The following SPCS3 variants were observed in gnomAD, a reference collection of about 807,000 sequenced individuals.
SPCS3 encodes the protein signal peptidase complex subunit 3, also known as SPase 22 kDa subunit.
SPCS3 carries 9 observed loss-of-function variants against 17.2 expected under a neutral mutation model. The ratio of observed to expected loss-of-function variants is 0.52; its 90% confidence interval spans 0.31 to 0.91. The LOEUF is 0.91. Ranked by LOEUF, SPCS3 falls within the 40% of genes least tolerant of loss-of-function variation. SPCS3 has a pLI of 0.04. For synonymous variants in SPCS3, 87 were observed against 89.6 expected (o/e 0.97, Z 0.16); for missense variants, 139 against 217.5 (o/e 0.64, Z 2.27).
rs1731652560 is a variant in SPCS3 at position 176,329,359 on chromosome 4, A to T, written c.*1029A>T. On this transcript the variant is annotated 3_prime_UTR_variant, in exon 5 of 5. Coordinates refer to ENST00000503362, the MANE Select transcript of SPCS3 (RefSeq NM_021928.4). The stretch of plus-strand genomic sequence containing the variant: ...ATTGCTTCATTGTTACCTAGCCAGC[A>T]AGGAGTGGAATTAAAACTTGAACTC... The T allele has an allele frequency of 6.6e-6, 1 of 152,140 alleles. No homozygotes were observed. Among genetic ancestry groups the T allele is most frequent in the Non-Finnish European group, 1.5e-5 (1 of 67,986 alleles). 9.4% of individuals were successfully genotyped at this position (152,140 alleles called of 1,614,324 possible). A position where few individuals can be genotyped will look rare whatever the true frequency, so the allele number is the denominator to read the frequency against.
intron 1 of SPCS3, 85 bp downstream of exon 1, chr4:176,320,304 G>A (rs943362964): frequency 1.5e-5 from 18 of 1,203,836 alleles, no homozygotes; most frequent in African/African-American, 3.2e-5. Flanking sequence ...CGGGGCTGCC[G>A]TGCCGGGGCC....
In SPCS3 at chr4:176,328,406, A is replaced by C; in HGVS notation, c.*76A>C. On this transcript the variant is annotated 3_prime_UTR_variant, in exon 5 of 5. Coordinates refer to ENST00000503362, the MANE Select transcript of SPCS3 (RefSeq NM_021928.4). ...CATTAATCTCTTCCCTTACATCTTC[A>C]TGTATTGTTGGTTTGTTTTTTGGTT... 3 of 1,116,096 alleles carry C rather than the reference A, an allele frequency of 2.7e-6. No individual in the cohort carries two copies. Among genetic ancestry groups the C allele is most frequent in the Non-Finnish European group, 2.3e-6 (2 of 861,830 alleles). The allele number at this position is 1,116,096 out of a possible 1,614,324, so 69.1% of individuals were successfully genotyped here.
intron 3 of SPCS3, 115 bp downstream of exon 3, chr4:176,324,372 C>A: frequency 2.0e-6 from 1 of 492,452 alleles, no homozygotes; most frequent in Non-Finnish European, 3.1e-6. Flanking sequence ...AGCAAAACAT[C>A]ACAAGCCAGT....
At chr4:176,326,025 C>T (rs1731601769) in intron 3 of SPCS3, among the ~76,000 whole-genome samples, 1 of 152,134 alleles carries the variant, frequency 6.6e-6, no homozygotes, top group Non-Finnish European at 1.5e-5. Context: ...TCAGGCCGGG[C>T]ACAGTGGCTC....
chr4:176,330,630 G>C lies in SPCS3; in HGVS notation c.*2300G>C, dbSNP rs961723370. ...CTTCAGTCTCAGGAACTCATTTTTG[G>C]GTGCAGTTTCTACATTTAAAAAATT... On this transcript the variant is annotated 3_prime_UTR_variant, in exon 5 of 5. Transcript: ENST00000503362. The C allele has an allele frequency of 1.3e-5, 2 of 152,050 alleles. No homozygotes were observed. Among genetic ancestry groups the C allele is most frequent in the African/African-American group, 2.4e-5 (1 of 41,384 alleles). 9.4% of individuals were successfully genotyped at this position (152,050 alleles called of 1,614,324 possible).
rs1037774083 is a variant in SPCS3 at position 176,322,297 on chromosome 4, T to C, written c.217+54T>C. Reference sequence around the variant, plus strand: ...TTTTCTGTAGTTTTATAATGAGATATGTGTTGTTTAATGATTTGGGATACA... The same window carrying C: ...TTTTCTGTAGTTTTATAATGAGATACGTGTTGTTTAATGATTTGGGATACA... On this transcript the variant is annotated intron_variant, in intron 2 of 4. Coordinates refer to ENST00000503362, the MANE Select transcript of SPCS3 (RefSeq NM_021928.4). 1.2e-5 allele frequency: 15 copies of C among 1,223,356 alleles called. No individual in the cohort carries two copies. The South Asian group carries it at 1.6e-4, about 13-fold the overall frequency. 75.8% of individuals were successfully genotyped at this position (1,223,356 alleles called of 1,614,324 possible).
At chr4:176,321,730 C>G (rs1191228165) in intron 1 of SPCS3, 1 of 152,794 alleles carries the variant, frequency 6.5e-6, no homozygotes, top group Non-Finnish European at 1.5e-5. Flanking sequence ...CTGGACTCAC[C>G]TATTTTCACA....
chr4:176,320,650 T>G (rs1033460548), intron 1 of SPCS3: 2 of 152,926 alleles, frequency 1.3e-5, no homozygotes, highest in African/African-American at 4.8e-5. Context: ...GCCGCCGCGC[T>G]CTGGGTCGGG....
chr4:176,327,026 A>T, intron 3 of SPCS3, 136 bp from the exon 4 acceptor site: 2 of 537,574 alleles, frequency 3.7e-6, no homozygotes, highest in Non-Finnish European at 6.6e-6. Flanking sequence ...TATCATTTGT[A>T]TGCATTAAGA....
rs1731675698 is a variant in SPCS3, at chr4:176,330,773, G to C, written c.*2443G>C. 1 of 152,162 alleles carries C rather than the reference G, an allele frequency of 6.6e-6. No individual in the cohort carries two copies. Among genetic ancestry groups the C allele is most frequent in the Non-Finnish European group, 1.5e-5 (1 of 68,032 alleles). 9.4% of individuals were successfully genotyped at this position (152,162 alleles called of 1,614,324 possible). The stretch of plus-strand genomic sequence containing the variant: ...GCTTATACAAAACTGAGTATGATTA[G>C]AAATACCTGAGCCCAGAAATGATTC... On this transcript the variant is annotated 3_prime_UTR_variant, in exon 5 of 5. Transcript: ENST00000503362.
At chr4:176,323,128 A>G (rs1489957333) in intron 2 of SPCS3, among the ~76,000 whole-genome samples, 1 of 152,158 alleles carries the variant, frequency 6.6e-6, no homozygotes, top group African/African-American at 2.4e-5. Flanking sequence ...GAAATAGGCT[A>G]AGAATTAGTT....
At position 176,328,330 on chromosome 4, in the gene SPCS3, A is replaced by G; in HGVS notation, c.543A>G (p.Ter181=). ...PDTYEITKSY[*] is the part of the protein sequence containing the mutation. ...CATATGAAATAACGAAGAGTTATTA[A>G]ATTATTCTGAATTTGAAACAACATA... Residue 181 remains the stop codon, a stop_retained_variant, in exon 5 of 5, where the codon TAA becomes TAG. Transcript: ENST00000503362. The G allele has an allele frequency of 6.3e-7, 1 of 1,576,666 alleles. No individual in the cohort carries two copies. The highest frequency in any genetic ancestry group is 2.3e-5 in the East Asian group (1 of 43,794).
intron 1 of SPCS3, chr4:176,320,717 C>G (rs1489169283): frequency 1.3e-5 from 2 of 152,580 alleles, no homozygotes; most frequent in Non-Finnish European, 2.9e-5. Flanking sequence ...GTCTTTGTGT[C>G]ATTCATCACC....
chr4:176,320,694 A>C (rs1579356268), intron 1 of SPCS3: 1 of 152,856 alleles, frequency 6.5e-6, no homozygotes, highest in Non-Finnish European at 1.5e-5. Context: ...TCTGGAGGCC[A>C]CAGGACGGGG....
At position 176,322,263 on chromosome 4, in the gene SPCS3, T is replaced by G; in HGVS notation, c.217+20T>G. The G allele has an allele frequency of 2.0e-6, 3 of 1,506,622 alleles. No homozygotes were observed. The highest frequency in any genetic ancestry group is 2.8e-6 in the Non-Finnish European group (3 of 1,084,752). 93.3% of individuals were successfully genotyped at this position (1,506,622 alleles called of 1,614,324 possible). A position where few individuals can be genotyped will look rare whatever the true frequency, so the allele number is the denominator to read the frequency against. Reference sequence around the variant, plus strand: ...CTGCTGATATCCTTTAAGAAAATATTTCGTTGCGTTTTCTGTAGTTTTATA... The same window carrying G: ...CTGCTGATATCCTTTAAGAAAATATGTCGTTGCGTTTTCTGTAGTTTTATA... On this transcript the variant is annotated intron_variant, in intron 2 of 4. Transcript: ENST00000503362.
intron 1 of SPCS3, chr4:176,321,179 T>G (rs374199655): frequency 6.6e-6 from 1 of 150,384 alleles, no homozygotes; most frequent in African/African-American, 2.5e-5. Flanking sequence ...TTTTTTTTTT[T>G]AAATTACTGT....
chr4:176,328,435 GGTT>G lies in SPCS3; in HGVS notation c.*106_*108del. 3 of 818,754 alleles carry G rather than the reference GGTT, an allele frequency of 3.7e-6. No individual in the cohort carries two copies. The highest frequency in any genetic ancestry group is 3.6e-5 in the South Asian group (1 of 28,082). 50.7% of individuals were successfully genotyped at this position (818,754 alleles called of 1,614,324 possible). Reference sequence around the variant, plus strand: ...ATTGTTGGTTTGTTTTTTGGTTTTGGGTTTTTTTTTTTTTTTTTTTGGTATAAG... The same window carrying G: ...ATTGTTGGTTTGTTTTTTGGTTTTGGTTTTTTTTTTTTTTTTTGGTATAAG... On this transcript the variant is annotated 3_prime_UTR_variant, in exon 5 of 5. Coordinates refer to ENST00000503362, the MANE Select transcript of SPCS3 (RefSeq NM_021928.4).
At chr4:176,323,611 G>A (rs1027608163) in intron 2 of SPCS3, among the ~76,000 whole-genome samples, 4 of 152,106 alleles carry the variant, frequency 2.6e-5, no homozygotes, top group African/African-American at 9.7e-5. Context: ...TGTTAATTCT[G>A]GTGAAGTTCT....
Position 176,328,334 on chromosome 4 carries a change from A to T in SPCS3, c.*4A>T. On this transcript the variant is annotated 3_prime_UTR_variant, in exon 5 of 5. Transcript: ENST00000503362. Reference sequence around the variant, plus strand: ...TGAAATAACGAAGAGTTATTAAATTATTCTGAATTTGAAACAACATATTTT... The same window carrying T: ...TGAAATAACGAAGAGTTATTAAATTTTTCTGAATTTGAAACAACATATTTT... The T allele has an allele frequency of 6.4e-7, 1 of 1,572,546 alleles. No homozygotes were observed. The highest frequency in any genetic ancestry group is 8.6e-7 in the Non-Finnish European group (1 of 1,158,170).
Sources: gnomAD v4.1 joint callset for allele counts (sites outside exome capture counted in the v4.1 genomes callset) on GRCh38, gnomAD v4.1.1 for gene constraint, MANE v1.5 for transcripts, NCBI Gene and HGNC (gene_info 2026-07-23, HGNC 2026-07-21) for gene names.